Variants in MIA2 observed in about 807,000 individuals in gnomAD.
MIA2 encodes MIA SH3 domain ER export factor 2.
In MIA2, 127 loss-of-function variants were observed where a neutral mutation model predicts 167.8. The observed-to-expected ratio is 0.76, with a 90% CI of 0.66 to 0.88. MIA2 has a LOEUF of 0.88. Ranked by LOEUF, MIA2 falls within the 40% of genes least tolerant of loss-of-function variation. MIA2 has a pLI of 0.00. For synonymous variants in MIA2, 552 were observed against 541.9 expected, an observed-to-expected ratio of 1.02 and a Z score of -0.26; for missense variants, 1,690 against 1,624.7, an observed-to-expected ratio of 1.04 and a Z score of -0.69.
At chr14:39,330,318 C>T (rs1042845928) in intron 25 of MIA2, among the ~76,000 whole-genome samples, 12 of 152,008 alleles carry the variant, frequency 7.9e-5, no homozygotes, top group African/African-American at 2.7e-4. Flanking sequence ...GGTGATATCC[C>T]CTTTATCATT....
chr14:39,275,518 T>G (rs2057871614), intron 6 of MIA2, among the ~76,000 whole-genome samples: 1 of 152,234 alleles, frequency 6.6e-6, no homozygotes. Flanking sequence ...GAAATATTAT[T>G]GTACTAAAGG....
At chr14:39,275,429 G>C (rs2057859176) in intron 6 of MIA2, among the ~76,000 whole-genome samples, 1 of 152,190 alleles carries the variant, frequency 6.6e-6, no homozygotes, top group Non-Finnish European at 1.5e-5. Context: ...ACTGCGCCCG[G>C]CCCTAGCTCA....
chr14:39,323,842 T>C (rs1384184616), intron 24 of MIA2, among the ~76,000 whole-genome samples: 1 of 152,214 alleles, frequency 6.6e-6, no homozygotes, highest in Non-Finnish European at 1.5e-5. Context: ...TTTCCTCTCC[T>C]ATTTAATTTA....
intron 7 of MIA2, among the ~76,000 whole-genome samples, chr14:39,278,571 TC>T (rs1395855845): frequency 6.6e-6 from 1 of 152,202 alleles, no homozygotes; most frequent in Non-Finnish European, 1.5e-5. Flanking sequence ...ACAAATGAAT[TC>T]CCGCCTGCTT....
At chr14:39,293,430 G>A (rs1436808851) in intron 11 of MIA2, 49 bp downstream of exon 11, 1 of 1,214,504 alleles carries the variant, frequency 8.2e-7, no homozygotes, top group Non-Finnish European at 1.2e-6. Flanking sequence ...AAGTTACTGA[G>A]CTTTAAAAAA....
chr14:39,269,953 A>AT (rs1379501554), intron 6 of MIA2, among the ~76,000 whole-genome samples: 1 of 152,032 alleles, frequency 6.6e-6, no homozygotes. Flanking sequence ...ATAAGTTTTT[A>AT]TATATGTTTT....
intron 6 of MIA2, among the ~76,000 whole-genome samples, chr14:39,262,839 T>A (rs2055189885): frequency 6.6e-6 from 1 of 152,178 alleles, no homozygotes; most frequent in South Asian, 2.1e-4. Context: ...TGTATAAGAA[T>A]GCTTGTGATT....
Position 39,330,769 on chromosome 14 carries a change from C to T in MIA2, c.3655+3747C>T, listed in dbSNP as rs140047025. On this transcript the variant is annotated intron_variant, in intron 25 of 28. Coordinates refer to ENST00000640607, the MANE Select transcript of MIA2 (RefSeq NM_001329214.4). ...GTTGTTCAGTTTCCATGTAGCTGTG[C>T]GGTTTTGAGTGAATTTCTTAATCCT... Among the ~76,000 whole-genome samples, 17 of 152,204 alleles carry T rather than the reference C, an allele frequency of 1.1e-4. No individual in the cohort carries two copies. In the South Asian group the frequency reaches 1.2e-3, roughly 11 times the overall value.
intron 17 of MIA2, among the ~76,000 whole-genome samples, chr14:39,306,929 GCATAAATTATAAAGCATT>G (rs1462470909): frequency 3.3e-5 from 5 of 152,050 alleles, no homozygotes; most frequent in African/African-American, 9.7e-5. Flanking sequence ...AAAAATTGAT[GCATAAATTATAAAGCATT>G]CATAATTATT....
intron 23 of MIA2, chr14:39,385,509 C>T: frequency 1.2e-6 from 1 of 854,672 alleles, no homozygotes; most frequent in Non-Finnish European, 2.0e-6. Flanking sequence ...CAGCGTAGTC[C>T]ACTATCTCTG....
intron 23 of MIA2, among the ~76,000 whole-genome samples, chr14:39,357,414 C>A (rs2074557750): frequency 6.6e-6 from 1 of 152,136 alleles, no homozygotes; most frequent in African/African-American, 2.4e-5. Flanking sequence ...GGTATATCTT[C>A]CTCCATCCCT....
At chr14:39,236,834 T>C in intron 1 of MIA2, 88 bp from the exon 2 acceptor site, 6 of 1,238,660 alleles carry the variant, frequency 4.8e-6, no homozygotes, top group Non-Finnish European at 6.7e-6. Flanking sequence ...TGGAAACATA[T>C]AGGATGGATT....
chr14:39,289,518 A>G (rs146328044), intron 9 of MIA2, among the ~76,000 whole-genome samples: 183 of 152,274 alleles, frequency 1.2e-3, no homozygotes, highest in African/African-American at 4.0e-3. Flanking sequence ...CATCCAAGGT[A>G]CCAGTTTTGG....
intron 17 of MIA2, among the ~76,000 whole-genome samples, chr14:39,305,557 A>G (rs567037813): frequency 6.6e-6 from 1 of 152,328 alleles, no homozygotes; most frequent in East Asian, 1.9e-4. Context: ...TATTCATAGC[A>G]TGAAGATTTT....
chr14:39,279,755 C>T (rs922927374), intron 9 of MIA2, among the ~76,000 whole-genome samples: 1 of 152,180 alleles, frequency 6.6e-6, no homozygotes, highest in Non-Finnish European at 1.5e-5. Flanking sequence ...TTTGAGTTTT[C>T]CTGACTGATG....
downstream of MIA2, chr14:39,350,745 A>G (rs1373134379): frequency 6.6e-6 from 1 of 152,510 alleles, no homozygotes; most frequent in Non-Finnish European, 1.5e-5. Context: ...GAGGTGCAAA[A>G]CTCAAACTTA....
At chr14:39,353,238 A>G (rs1306452285), downstream of MIA2, among the ~76,000 whole-genome samples, 6 of 152,182 alleles carry the variant, frequency 3.9e-5, no homozygotes. Context: ...AATATATAAA[A>G]TATTGTTACT....
At chr14:39,331,410 A>G (rs8006473) in intron 25 of MIA2, among the ~76,000 whole-genome samples, 2,660 of 152,046 alleles carry the variant, frequency 0.017, 52 homozygotes, top group African/African-American at 0.052. Flanking sequence ...TCTTTATCCA[A>G]TTTGCCATTC....
At chr14:39,381,218 TGG>T in intron 23 of MIA2, among the ~76,000 whole-genome samples, 1 of 151,924 alleles carries the variant, frequency 6.6e-6, no homozygotes, top group South Asian at 2.1e-4. Context: ...CAGCAGAAGG[TGG>T]TAAGAGGAAG....
Sources: allele counts gnomAD v4.1 joint callset (sites outside exome capture counted in the v4.1 genomes callset), GRCh38; gene constraint gnomAD v4.1.1; transcripts MANE v1.5; gene names NCBI Gene and HGNC (gene_info 2026-07-23, HGNC 2026-07-21).